Variants in SLC22A16 observed in about 807,000 individuals in gnomAD.
SLC22A16 encodes WUGSC:RG331P03.1.
Under a neutral mutation model 52.9 loss-of-function variants are expected in SLC22A16, and 53 were observed. The ratio of observed to expected loss-of-function variants is 1.00; its 90% CI spans 0.80 to 1.26. SLC22A16 has a LOEUF of 1.26. SLC22A16 is among the 50% of genes most tolerant of loss of function. The probability of loss-of-function intolerance (pLI) is 0.00; values close to 1 mark genes in which losing one functional copy is unlikely to be tolerated. For synonymous variants in SLC22A16, 291 were observed against 268.8 expected (o/e 1.08, Z -0.81); for missense variants, 726 against 704.0 (o/e 1.03, Z -0.35).
chr6:110,427,256 A>AAAAAAAAAG, intron 7 of SLC22A16, among the ~76,000 whole-genome samples: 1 of 144,336 alleles, frequency 6.9e-6, no homozygotes, highest in Admixed American at 6.8e-5. Flanking sequence ...TCAAAAAAAA[A>AAAAAAAAAG]AAAAAAAAGA....
rs1220058281 is a variant in SLC22A16, at chr6:110,454,657, TTA to T, written c.533+1879_533+1880del. Among the ~76,000 whole-genome samples, 58 of 44,744 alleles carry T rather than the reference TTA, an allele frequency of 1.3e-3. No individual in the cohort carries two copies. In the South Asian group the frequency reaches 0.026, roughly 20 times the overall value. The allele number at this position is 44,744 out of a possible 152,430, so 29.4% of individuals were successfully genotyped here. The stretch of plus-strand genomic sequence containing the variant: ...ATATATATTATATATTTTATATATA[TTA>T]TATATATTTATATATATTATATATT... On this transcript the variant is annotated intron_variant, in intron 2 of 7. Coordinates refer to ENST00000368919, the MANE Select transcript of SLC22A16 (RefSeq NM_033125.4).
At chr6:110,437,455 G>A (rs573329035) in intron 5 of SLC22A16, among the ~76,000 whole-genome samples, 17 of 152,246 alleles carry the variant, frequency 1.1e-4, no homozygotes, top group African/African-American at 3.9e-4. Flanking sequence ...CTTGTCCCGA[G>A]TAGTTTTATT....
In SLC22A16 at chr6:110,442,665, G is replaced by A; in HGVS notation, c.762C>T (p.Thr254=). ...AGTATCCTGTCAAAGCCACCAGCAG[G>A]GTTCCAACTGCAAAAAAGGAATGCA... The part of the protein sequence containing the change: ...VHLHSFFAVG[T]LLVALTGYLV... The change falls in exon 4 of 8, where the codon ACC becomes ACT. Residue 254 remains threonine (T), a synonymous_variant. Coordinates refer to ENST00000368919, the MANE Select transcript of SLC22A16 (RefSeq NM_033125.4). 6.2e-7 allele frequency: 1 copy of A among 1,614,068 alleles called. No homozygotes were observed. The highest frequency in any genetic ancestry group is 8.5e-7 in the Non-Finnish European group (1 of 1,179,988).
At chr6:110,465,550 A>G (rs1776032358) in intron 1 of SLC22A16, among the ~76,000 whole-genome samples, 1 of 152,272 alleles carries the variant, frequency 6.6e-6, no homozygotes, top group African/African-American at 2.4e-5. Flanking sequence ...TAGCCACACA[A>G]ACACACAAAA....
intron 1 of SLC22A16, among the ~76,000 whole-genome samples, chr6:110,463,420 G>C (rs1320843627): frequency 6.7e-6 from 1 of 150,258 alleles, no homozygotes; most frequent in African/African-American, 2.4e-5. Flanking sequence ...TAAAGTAAAG[G>C]GGGGTAAAAA....
chr6:110,457,007 C>T lies in SLC22A16; in HGVS notation c.64G>A (p.Val22Ile). The stretch of plus-strand genomic sequence containing the variant: ...TGGAAGGCACATATGAAATAGAGGA[C>T]TCTCTGGAATCTGCAAGAGAAGAAA... The part of the protein sequence containing the change: ...HVGHFGRFQR[V>I]LYFICAFQNI... The change falls in exon 2 of 8, where the codon GTC becomes ATC. Residue 22 changes from valine (V) to isoleucine (I), a missense_variant. Physicochemically the swap from Val to Ile is conservative, Grantham distance 29. Coordinates refer to ENST00000368919, the MANE Select transcript of SLC22A16 (RefSeq NM_033125.4). 6.5e-7 allele frequency: 1 copy of T among 1,529,640 alleles called. No individual in the cohort carries two copies. Among genetic ancestry groups the T allele is most frequent in the Non-Finnish European group, 8.8e-7 (1 of 1,141,396 alleles). The allele number at this position is 1,529,640 out of a possible 1,614,324, so 94.8% of individuals were successfully genotyped here.
chr6:110,456,342 T>C, intron 2 of SLC22A16, 196 bp downstream of exon 2: 1 of 711,712 alleles, frequency 1.4e-6, no homozygotes, highest in East Asian at 2.7e-5. Flanking sequence ...GAACCAGGAT[T>C]TGGATCTAGG....
At position 110,442,687 on chromosome 6, in the gene SLC22A16, T is replaced by A. The variant is rs779323929; in HGVS notation, c.740A>T (p.His247Leu). 1.3e-5 allele frequency: 21 copies of A among 1,613,974 alleles called. No individual in the cohort carries two copies. Among genetic ancestry groups the A allele is most frequent in the Non-Finnish European group, 1.7e-5 (20 of 1,179,994 alleles). ...KSRTWASVHL[H>L]SFFAVGTLLV... ...CAGGGTTCCAACTGCAAAAAAGGAA[T>A]GCAAATGGACAGACGCCCATGTCCG... The change falls in exon 4 of 8, where the codon CAT (histidine) becomes CTT (leucine). Residue 247 changes from histidine to leucine, a missense_variant. Coordinates refer to ENST00000368919, the MANE Select transcript of SLC22A16 (RefSeq NM_033125.4).
intron 1 of SLC22A16, among the ~76,000 whole-genome samples, chr6:110,458,730 G>C (rs1775759969): frequency 6.6e-6 from 1 of 152,082 alleles, no homozygotes; most frequent in African/African-American, 2.4e-5. Context: ...ATCACTTGAG[G>C]GCTTGAATAA....
At chr6:110,438,960 G>T in intron 4 of SLC22A16, 113 bp from the exon 5 acceptor site, 2 of 1,338,434 alleles carry the variant, frequency 1.5e-6, no homozygotes, top group Non-Finnish European at 2.0e-6. Flanking sequence ...TCACTTCTGG[G>T]GCCTTTAGAA....
rs770870711 is a variant in SLC22A16, at chr6:110,446,852, G to A, written c.651+21C>T. The A allele has an allele frequency of 3.8e-6, 6 of 1,584,510 alleles. No homozygotes were observed. In the African/African-American group the frequency reaches 5.5e-5, roughly 14 times the overall value. ...TATGAAAAACTGCAGCAGAATTAAAGAAGTAAAAAACACAACTCACCATGG... is the reference window on the plus strand; with the variant it reads ...TATGAAAAACTGCAGCAGAATTAAAAAAGTAAAAAACACAACTCACCATGG... On this transcript the variant is annotated intron_variant, in intron 3 of 7. Transcript: ENST00000368919.
At chr6:110,450,994 T>G in intron 2 of SLC22A16, among the ~76,000 whole-genome samples, 1 of 152,238 alleles carries the variant, frequency 6.6e-6, no homozygotes, top group South Asian at 2.1e-4. Context: ...CAATACAGGT[T>G]ACTGCTTATA....
rs762500286 is a variant in SLC22A16, at chr6:110,456,659, T to C, written c.412A>G (p.Ser138Gly). ...GYIYDQNTWKSTAVTQWNLVC... is the reference protein window; with the variant it reads ...GYIYDQNTWKGTAVTQWNLVC... ...AGGTTCCACTGGGTCACCGCAGTGCTTTTCCATGTGTTCTGGTCATATATG... is the reference window on the plus strand; with the variant it reads ...AGGTTCCACTGGGTCACCGCAGTGCCTTTCCATGTGTTCTGGTCATATATG... The change falls in exon 2 of 8, where the codon AGC (serine) becomes GGC (glycine). Residue 138 changes from serine to glycine, a missense_variant. By Grantham distance (56) the Ser-to-Gly change is moderately conservative. Transcript: ENST00000368919. 5 of 1,614,056 alleles carry C rather than the reference T, an allele frequency of 3.1e-6. No homozygotes were observed. Among genetic ancestry groups the C allele is most frequent in the South Asian group, 1.1e-5 (1 of 91,078 alleles).
At chr6:110,472,510 A>G (rs1776294057) in intron 1 of SLC22A16, among the ~76,000 whole-genome samples, 1 of 152,200 alleles carries the variant, frequency 6.6e-6, no homozygotes, top group South Asian at 2.1e-4. Flanking sequence ...CCCCAAAATA[A>G]TAAACCACTA....
chr6:110,456,427 A>G (rs1168987542), intron 2 of SLC22A16, 111 bp downstream of exon 2: 8 of 1,300,470 alleles, frequency 6.2e-6, no homozygotes, highest in Non-Finnish European at 7.4e-6. Flanking sequence ...AGGTATTTAG[A>G]TAGGAAGTAT....
intron 1 of SLC22A16, among the ~76,000 whole-genome samples, chr6:110,474,095 C>T (rs969499477): frequency 4.6e-5 from 7 of 152,106 alleles, no homozygotes; most frequent in Admixed American, 3.9e-4. Flanking sequence ...ACTGCACATG[C>T]GAGGGATCTA....
At chr6:110,431,555 C>T (rs544445418) in intron 6 of SLC22A16, among the ~76,000 whole-genome samples, 2 of 152,024 alleles carry the variant, frequency 1.3e-5, no homozygotes, top group Non-Finnish European at 2.9e-5. Context: ...GGGTCACAGC[C>T]GAGGAGGAAT....
At chr6:110,447,432 C>T (rs1775220750) in intron 2 of SLC22A16, among the ~76,000 whole-genome samples, 1 of 152,076 alleles carries the variant, frequency 6.6e-6, no homozygotes, top group African/African-American at 2.4e-5. Flanking sequence ...CTTACTTGCC[C>T]TATCTTTTCA....
intron 5 of SLC22A16, among the ~76,000 whole-genome samples, chr6:110,437,794 G>GA (rs1239128390): frequency 1.6e-5 from 2 of 128,152 alleles, no homozygotes; most frequent in African/African-American, 3.5e-5. Context: ...GAGGTATTTT[G>GA]AGGGACGCAG....
Sources: allele counts gnomAD v4.1 joint callset (sites outside exome capture counted in the v4.1 genomes callset), GRCh38; gene constraint gnomAD v4.1.1; transcripts MANE v1.5; gene names NCBI Gene and HGNC (gene_info 2026-07-23, HGNC 2026-07-21).